PPARGC1A: variants seen among roughly 807,000 people sequenced by gnomAD.
PPARGC1A encodes peroxisome proliferator-activated receptor gamma coactivator 1-alpha.
Under a neutral mutation model 88.7 loss-of-function variants are expected in PPARGC1A, and 25 were observed. The observed-to-expected ratio is 0.28, with a 90% CI of 0.21 to 0.39. The LOEUF is 0.39. Among genes scored for constraint, PPARGC1A ranks in the 10% least tolerant of loss-of-function variants. The probability of loss-of-function intolerance (pLI) is 1.00; values close to 1 mark genes in which losing one functional copy is unlikely to be tolerated. For missense variants in PPARGC1A, 880 were observed against 968.7 expected (o/e 0.91, Z 1.22); for synonymous variants, 363 against 355.6 (o/e 1.02, Z -0.24).
the PPARGC1A span, among the ~76,000 whole-genome samples, chr4:24,000,475 TAAAA>T: frequency 9.3e-5 from 14 of 150,080 alleles, no homozygotes; most frequent in Admixed American, 4.0e-4. Context: ...GGGCATATAA[TAAAA>T]AAATCCAAAT....
the PPARGC1A span, among the ~76,000 whole-genome samples, chr4:24,231,877 T>C: frequency 0.047 from 7,102 of 152,226 alleles, 216 homozygotes; most frequent in African/African-American, 0.085. Flanking sequence ...AACCTATTTA[T>C]TTTCCAGGGG....
At chr4:24,004,087 G>C in the PPARGC1A span, among the ~76,000 whole-genome samples, 1 of 152,158 alleles carries the variant, frequency 6.6e-6, no homozygotes, top group Non-Finnish European at 1.5e-5. Context: ...CTCTGAAACA[G>C]AGGCAAGATG....
chr4:23,796,150 T>C (rs1309094265), intron 12 of PPARGC1A, among the ~76,000 whole-genome samples: 1 of 152,108 alleles, frequency 6.6e-6, no homozygotes, highest in East Asian at 1.9e-4. Context: ...TTAAACACCC[T>C]GGGAGTTAGG....
chr4:23,849,676 A>G (rs1250831231), intron 2 of PPARGC1A, among the ~76,000 whole-genome samples: 1 of 152,224 alleles, frequency 6.6e-6, no homozygotes, highest in Non-Finnish European at 1.5e-5. Flanking sequence ...CAAGCATTTT[A>G]CTTTAATTCT....
At chr4:24,417,414 A>G in the PPARGC1A span, among the ~76,000 whole-genome samples, 1 of 152,234 alleles carries the variant, frequency 6.6e-6, no homozygotes, top group African/African-American at 2.4e-5. Flanking sequence ...AACCTCACTG[A>G]TGAAGCAGAA....
chr4:24,322,527 G>T, the PPARGC1A span, among the ~76,000 whole-genome samples: 1 of 152,204 alleles, frequency 6.6e-6, no homozygotes, highest in Non-Finnish European at 1.5e-5. Flanking sequence ...ATGTATCTGT[G>T]TATCCATGTG....
At chr4:24,161,447 G>A in the PPARGC1A span, among the ~76,000 whole-genome samples, 1 of 152,090 alleles carries the variant, frequency 6.6e-6, no homozygotes, top group African/African-American at 2.4e-5. Flanking sequence ...TCACCTATGG[G>A]ATGTGGGGCT....
the PPARGC1A span, among the ~76,000 whole-genome samples, chr4:24,128,447 T>TCC: frequency 6.6e-6 from 1 of 151,832 alleles, no homozygotes; most frequent in African/African-American, 2.4e-5. Context: ...ATGCTTCCAA[T>TCC]CCTGAGAAGT....
the PPARGC1A span, among the ~76,000 whole-genome samples, chr4:24,170,758 C>G: frequency 2.0e-5 from 3 of 152,196 alleles, no homozygotes; most frequent in African/African-American, 7.2e-5. Context: ...GCTGTCCTAT[C>G]CAGCTGAGCA....
chr4:24,345,625 A>C, the PPARGC1A span, among the ~76,000 whole-genome samples: 3 of 152,232 alleles, frequency 2.0e-5, no homozygotes, highest in South Asian at 6.2e-4. Flanking sequence ...TGTGCACATT[A>C]ATCTTGTATC....
At chr4:23,877,207 G>T (rs1714881676) in intron 2 of PPARGC1A, among the ~76,000 whole-genome samples, 1 of 151,790 alleles carries the variant, frequency 6.6e-6, no homozygotes, top group South Asian at 2.1e-4. Context: ...ACGTACCTCT[G>T]AGCGCACAGT....
At chr4:24,399,445 G>A in the PPARGC1A span, among the ~76,000 whole-genome samples, 3 of 152,180 alleles carry the variant, frequency 2.0e-5, no homozygotes, top group African/African-American at 7.2e-5. Context: ...AAATTTCTCT[G>A]ACAGGTTGCT....
At chr4:24,190,738 G>C in the PPARGC1A span, among the ~76,000 whole-genome samples, 1 of 152,120 alleles carries the variant, frequency 6.6e-6, no homozygotes, top group African/African-American at 2.4e-5. Flanking sequence ...GGTCTTCACA[G>C]CCTGGGCATT....
At chr4:24,179,277 T>C in the PPARGC1A span, among the ~76,000 whole-genome samples, 1 of 151,910 alleles carries the variant, frequency 6.6e-6, no homozygotes, top group Admixed American at 6.6e-5. Context: ...ATTGCAAAAG[T>C]AAAAAATAAA....
At chr4:24,299,433 G>C in the PPARGC1A span, among the ~76,000 whole-genome samples, 3 of 152,172 alleles carry the variant, frequency 2.0e-5, no homozygotes, top group Admixed American at 1.3e-4. Flanking sequence ...CCTACTTACA[G>C]AAGTCAATAT....
intron 12 of PPARGC1A, among the ~76,000 whole-genome samples, chr4:23,797,149 T>A (rs1315057232): frequency 6.6e-6 from 1 of 152,142 alleles, no homozygotes; most frequent in Non-Finnish European, 1.5e-5. Context: ...GCAAGTTTTT[T>A]AAGGTAAGAG....
At chr4:24,164,387 C>A in the PPARGC1A span, among the ~76,000 whole-genome samples, 4 of 152,152 alleles carry the variant, frequency 2.6e-5, no homozygotes, top group Non-Finnish European at 5.9e-5. Context: ...TGTGTCTCCC[C>A]TCATGCTGAG....
the PPARGC1A span, among the ~76,000 whole-genome samples, chr4:24,384,502 A>G: frequency 6.6e-6 from 1 of 151,474 alleles, no homozygotes; most frequent in Non-Finnish European, 1.5e-5. Flanking sequence ...ACATGCAAAG[A>G]CACACATAGG....
intron 7 of PPARGC1A, among the ~76,000 whole-genome samples, chr4:23,822,058 G>A (rs1200429081): frequency 6.6e-6 from 1 of 152,048 alleles, no homozygotes; most frequent in Non-Finnish European, 1.5e-5. Context: ...CTTTTGAGTA[G>A]ACAATTTTAT....
Sources: allele counts gnomAD v4.1 joint callset (sites outside exome capture counted in the v4.1 genomes callset), GRCh38; gene constraint gnomAD v4.1.1; transcripts MANE v1.5; gene names NCBI Gene and HGNC (gene_info 2026-07-23, HGNC 2026-07-21).